MAN2C1: variants seen among roughly 807,000 people sequenced by gnomAD.
MAN2C1 encodes alpha-mannosidase 2C1.
MAN2C1 carries 111 observed loss-of-function variants against 126.9 expected under a neutral mutation model. That is an observed-to-expected ratio of 0.87 (90% CI 0.75 to 1.02). The LOEUF is 1.02. MAN2C1 is among the 50% of genes least tolerant of loss of function. The probability of loss-of-function intolerance (pLI) is 0.00; values close to 1 mark genes in which losing one functional copy is unlikely to be tolerated. For missense variants in MAN2C1, 1,363 were observed against 1,364.4 expected (o/e 1.00, Z 0.02); for synonymous variants, 567 against 561.5 (o/e 1.01, Z -0.14).
In MAN2C1 at chr15:75,356,071, G is replaced by A. The variant is rs370700941; in HGVS notation, c.2996+39C>T. 7.4e-6 allele frequency: 12 copies of A among 1,613,358 alleles called. No individual in the cohort carries two copies. The highest frequency in any genetic ancestry group is 1.0e-5 in the Non-Finnish European group (12 of 1,179,754). On this transcript the variant is annotated intron_variant, in intron 25 of 25. Coordinates refer to ENST00000267978, the MANE Select transcript of MAN2C1 (RefSeq NM_006715.4). The surrounding 1 kb of genome is among the most constrained non-coding windows in gnomAD (Gnocchi z 5.8). ...GGGGCCATGAAGGCTCTGCGAGGGC[G>A]AGACTCGACCCCCGCCCCAATCCCA...
rs2072499151 is a variant in MAN2C1, at chr15:75,362,684, C to A, written c.855G>T (p.Gln285His). 1 of 1,614,154 alleles carries A rather than the reference C, an allele frequency of 6.2e-7. No individual in the cohort carries two copies. The highest frequency in any genetic ancestry group is 1.7e-5 in the Admixed American group (1 of 60,028). ...KCARSWVTAL[Q>H]LMERNPEFIF... The stretch of plus-strand genomic sequence containing the variant: ...TGAACTCAGGGTTCCGCTCCATGAG[C>A]TGCAGGGCGGTCACCCAGCTCCGGG... Residue 285 changes from glutamine (Q) to histidine (H), a missense_variant, in exon 7 of 26, where the codon CAG (glutamine) becomes CAT (histidine). Physicochemically the swap from Gln to His is conservative, Grantham distance 24. Coordinates refer to ENST00000267978, the MANE Select transcript of MAN2C1 (RefSeq NM_006715.4). The surrounding 1 kb of genome is among the most constrained non-coding windows in gnomAD (Gnocchi z 4.5).
At chr15:75,364,423 C>T in intron 5 of MAN2C1, 65 bp downstream of exon 5, 1 of 1,462,924 alleles carries the variant, frequency 6.8e-7, no homozygotes. Context: ...TTATCTGACC[C>T]AAAGAACAAC....
At chr15:75,357,052 C>T in intron 21 of MAN2C1, 150 bp from the exon 22 acceptor site, 4 of 622,666 alleles carry the variant, frequency 6.4e-6, no homozygotes, top group Admixed American at 2.8e-5. Context: ...GGCATGCCAC[C>T]CAACCTGCCT....
Position 75,362,749 on chromosome 15 carries a change from C to A in MAN2C1, c.791-1G>T. 1 of 1,613,722 alleles carries A rather than the reference C, an allele frequency of 6.2e-7. No homozygotes were observed. The stretch of plus-strand genomic sequence containing the variant: ...GTCTCTTTGAAGGGCCAAAGCCAGG[C>A]TATACGGGGAGTGAGGTGGAGGACA... On this transcript the variant is annotated splice_acceptor_variant, in intron 6 of 25. Transcript: ENST00000267978. LOFTEE classifies it high-confidence loss of function. The surrounding 1 kb of genome is among the most constrained non-coding windows in gnomAD (Gnocchi z 4.5).
At position 75,359,712 on chromosome 15, in the gene MAN2C1, G is replaced by C. The variant is rs375045194; in HGVS notation, c.1856C>G (p.Pro619Arg). 17 of 1,614,038 alleles carry C rather than the reference G, an allele frequency of 1.1e-5. No individual in the cohort carries two copies. In the African/African-American group the frequency reaches 2.1e-4, roughly 20 times the overall value. The change falls in exon 16 of 26, where the codon CCA (proline) becomes CGA (arginine). Residue 619 changes from proline (P) to arginine (R), a missense_variant. By Grantham distance (103) the Pro-to-Arg change is moderately radical. Around this residue, in one of 3 missense-constraint regions of MAN2C1, gnomAD observed 668 missense variants for 650.1 expected, o/e 1.03. Coordinates refer to ENST00000267978, the MANE Select transcript of MAN2C1 (RefSeq NM_006715.4). ...AAAAALCAGE[P>R]GPEGLLIVNT... ...GACGATGAGGAGGCCCTCAGGACCTGGCTCCCCAGCACACAGGGCTGCGGC... is the reference window on the plus strand; with the variant it reads ...GACGATGAGGAGGCCCTCAGGACCTCGCTCCCCAGCACACAGGGCTGCGGC...
At position 75,361,590 on chromosome 15, in the gene MAN2C1, G is replaced by T; in HGVS notation, c.1218+14C>A. On this transcript the variant is annotated intron_variant, in intron 10 of 25. Coordinates refer to ENST00000267978, the MANE Select transcript of MAN2C1 (RefSeq NM_006715.4). This position sits in a 1 kb window ranked among gnomAD's most constrained non-coding sequence, Gnocchi z 5.0. Reference sequence around the variant, plus strand: ...AGGCCCACTCTGACCCTGACCCCCCGGGGGCCTGCTTACTGGGAAGGAGTT... The same window carrying T: ...AGGCCCACTCTGACCCTGACCCCCCTGGGGCCTGCTTACTGGGAAGGAGTT... The T allele has an allele frequency of 6.2e-7, 1 of 1,600,746 alleles. No homozygotes were observed. The highest frequency in any genetic ancestry group is 1.1e-5 in the South Asian group (1 of 90,748).
At chr15:75,360,422 T>G in intron 13 of MAN2C1, 143 bp downstream of exon 13, 3 of 1,373,800 alleles carry the variant, frequency 2.2e-6, no homozygotes, top group East Asian at 5.0e-5. Context: ...CAAGCTTTCT[T>G]GACCAACCCA....
At chr15:75,363,001 TCA>T (rs554503627) in intron 6 of MAN2C1, 135 of 490,622 alleles carry the variant, frequency 2.8e-4, no homozygotes, top group Non-Finnish European at 4.6e-4. Context: ...CAGAATAGCC[TCA>T]GTCCTCTTGG....
chr15:75,366,347 C>A (rs182867086), intron 4 of MAN2C1, among the ~76,000 whole-genome samples, 175 bp downstream of exon 4: 1 of 152,370 alleles, frequency 6.6e-6, no homozygotes, highest in Admixed American at 6.5e-5. Flanking sequence ...CTGCACCCAG[C>A]CCATTATTTT....
At position 75,356,909 on chromosome 15, in the gene MAN2C1, G is replaced by T; in HGVS notation, c.2548-7C>A. ...TCCAGCGATGGGCCCACACCTGGAG[G>T]GCAGATCCAAGACCCACTTGGTGGC... On this transcript the variant is annotated splice_region_variant and splice_polypyrimidine_tract_variant and intron_variant, in intron 21 of 25. Transcript: ENST00000267978. This position sits in a 1 kb window ranked among gnomAD's most constrained non-coding sequence, Gnocchi z 5.8. The T allele has an allele frequency of 6.2e-7, 1 of 1,613,010 alleles. No homozygotes were observed.
In MAN2C1 at chr15:75,366,535, T is replaced by C. The variant is rs775366766; in HGVS notation, c.409A>G (p.Arg137Gly). 2.5e-6 allele frequency: 4 copies of C among 1,613,508 alleles called. No individual in the cohort carries two copies. Among genetic ancestry groups the C allele is most frequent in the East Asian group, 2.2e-5 (1 of 44,854 alleles). ...SYVLTDRLGERDPRSLTLYVE... is the reference protein window; with the variant it reads ...SYVLTDRLGEGDPRSLTLYVE... ...ACAGGGACTCACCTTCGGGGGTCTC[T>C]TTCCCCCAGCCTGTCAGTCAGGACA... The change falls in exon 4 of 26, where the codon AGA becomes GGA. Residue 137 changes from arginine (R) to glycine (G), a missense_variant. Arg to Gly is a moderately radical substitution (Grantham distance 125). Around this residue, in one of 3 missense-constraint regions of MAN2C1, gnomAD observed 628 missense variants for 609.8 expected, o/e 1.03. Coordinates refer to ENST00000267978, the MANE Select transcript of MAN2C1 (RefSeq NM_006715.4).
chr15:75,358,294 G>A lies in MAN2C1; in HGVS notation c.2454C>T (p.Arg818=), dbSNP rs142370400. The change falls in exon 21 of 26, where the codon CGC becomes CGT. Residue 818 remains arginine, a synonymous_variant. Coordinates refer to ENST00000267978, the MANE Select transcript of MAN2C1 (RefSeq NM_006715.4). ...HKFLKVEFPA[R]VRSSQATYEI... ...CATAGGTGGCCTGGGAACTCCGCACGCGAGCAGGGAACTCCACCTTCAGGA... is the reference window on the plus strand; with the variant it reads ...CATAGGTGGCCTGGGAACTCCGCACACGAGCAGGGAACTCCACCTTCAGGA... The A allele has an allele frequency of 1.5e-4, 244 of 1,614,124 alleles. No individual in the cohort carries two copies. The East Asian group carries it at 4.4e-3, about 29-fold the overall frequency.
intron 4 of MAN2C1, 143 bp from the exon 5 acceptor site, chr15:75,364,808 C>T (rs1282359966): frequency 1.2e-5 from 8 of 650,140 alleles, no homozygotes; most frequent in Non-Finnish European, 1.7e-5. Context: ...CACAGTGTGA[C>T]AAGAGTGCAT....
At position 75,358,831 on chromosome 15, in the gene MAN2C1, C is replaced by G. The variant is rs763428371; in HGVS notation, c.2142-23G>C. On this transcript the variant is annotated intron_variant, in intron 18 of 25. Coordinates refer to ENST00000267978, the MANE Select transcript of MAN2C1 (RefSeq NM_006715.4). ...TCCCTGGAAGGACATGGGATTGGTGCTGTACAACCAACTGACCTCGCTGTC... is the reference window on the plus strand; with the variant it reads ...TCCCTGGAAGGACATGGGATTGGTGGTGTACAACCAACTGACCTCGCTGTC... 7 of 1,587,072 alleles carry G rather than the reference C, an allele frequency of 4.4e-6. No individual in the cohort carries two copies. The South Asian group carries it at 7.8e-5, about 18-fold the overall frequency.
intron 18 of MAN2C1, 22 bp from the exon 19 acceptor site, chr15:75,358,830 G>A (rs753063152): frequency 1.3e-5 from 21 of 1,588,002 alleles, no homozygotes; most frequent in Non-Finnish European, 1.7e-5. Flanking sequence ...TGGGATTGGT[G>A]CTGTACAACC....
Position 75,359,387 on chromosome 15 carries a change from G to T in MAN2C1, c.1987C>A (p.Pro663Thr), listed in dbSNP as rs778918647. 12 of 1,609,370 alleles carry T rather than the reference G, an allele frequency of 7.5e-6. No homozygotes were observed. Among genetic ancestry groups the T allele is most frequent in the Non-Finnish European group, 1.0e-5 (12 of 1,178,520 alleles). Reference protein sequence around the residue: ...TVPSMGYAPVPPPTSLQPLLP... With the variant: ...TVPSMGYAPVTPPTSLQPLLP... ...AGGGGCTGCAGTGAGGTGGGGGGAG[G>T]AACAGGAGCATAGCCCATGCTGGGC... The change falls in exon 17 of 26, where the codon CCT becomes ACT. Residue 663 changes from proline to threonine, a missense_variant. This residue lies in a region of MAN2C1 where 668 missense variants were observed against 650.1 expected (regional missense o/e 1.03). Coordinates refer to ENST00000267978, the MANE Select transcript of MAN2C1 (RefSeq NM_006715.4).
chr15:75,361,392 G>A lies in MAN2C1; in HGVS notation c.1219-11C>T. The A allele has an allele frequency of 1.3e-6, 2 of 1,555,694 alleles. No individual in the cohort carries two copies. The highest frequency in any genetic ancestry group is 1.9e-5 in the Admixed American group (1 of 51,952). ...GAAAAATGTATGGTGCTACCAGCAGGGAAACAGAAGCAGGGCAGAGAGGCC... is the reference window on the plus strand; with the variant it reads ...GAAAAATGTATGGTGCTACCAGCAGAGAAACAGAAGCAGGGCAGAGAGGCC... On this transcript the variant is annotated splice_polypyrimidine_tract_variant and intron_variant, in intron 10 of 25. Transcript: ENST00000267978. The surrounding 1 kb of genome is among the most constrained non-coding windows in gnomAD (Gnocchi z 5.0).
intron 5 of MAN2C1, 72 bp downstream of exon 5, chr15:75,364,416 T>C: frequency 1.4e-6 from 2 of 1,448,770 alleles, no homozygotes; most frequent in South Asian, 1.4e-5. Context: ...GTCCCATTTA[T>C]CTGACCCAAA....
Position 75,362,633 on chromosome 15 carries a change from C to T in MAN2C1, c.897+9G>A, listed in dbSNP as rs2072497028. The stretch of plus-strand genomic sequence containing the variant: ...TGCTTCCCTCCTCCCTCACAGCTGT[C>T]CCTCTGACCTGGGAGCAGGCAAAGA... On this transcript the variant is annotated intron_variant, in intron 7 of 25. Coordinates refer to ENST00000267978, the MANE Select transcript of MAN2C1 (RefSeq NM_006715.4). The surrounding 1 kb of genome is among the most constrained non-coding windows in gnomAD (Gnocchi z 4.5). 1 of 1,613,422 alleles carries T rather than the reference C, an allele frequency of 6.2e-7. No individual in the cohort carries two copies. Among genetic ancestry groups the T allele is most frequent in the Admixed American group, 1.7e-5 (1 of 59,992 alleles).
Sources: gnomAD v4.1 joint callset for allele counts (sites outside exome capture counted in the v4.1 genomes callset) on GRCh38, gnomAD v4.1.1 for gene constraint, gnomAD v4.1.1 regional missense constraint, Gnocchi (gnomAD v3.1) non-coding constraint, MANE v1.5 for transcripts, NCBI Gene and HGNC (gene_info 2026-07-23, HGNC 2026-07-21) for gene names.